PIP5K1C: variants seen among roughly 807,000 people sequenced by gnomAD.
The protein encoded by PIP5K1C is phosphatidylinositol-4-phosphate 5-kinase type 1 gamma.
PIP5K1C carries 45 observed loss-of-function variants against 80.1 expected under a neutral mutation model. The ratio of observed to expected loss-of-function variants is 0.56; its 90% CI spans 0.44 to 0.72. PIP5K1C has a LOEUF of 0.72. Ranked by LOEUF, PIP5K1C falls within the 30% of genes least tolerant of loss-of-function variation. The pLI is 0.00. For synonymous variants in PIP5K1C, 498 were observed against 420.1 expected, an observed-to-expected ratio of 1.19 and a Z score of -2.27; for missense variants, 753 against 954.6, an observed-to-expected ratio of 0.79 and a Z score of 2.78.
At chr19:3,684,124 C>T (rs2035679625) in intron 1 of PIP5K1C, among the ~76,000 whole-genome samples, 1 of 152,170 alleles carries the variant, frequency 6.6e-6, no homozygotes, top group Admixed American at 6.6e-5. Context: ...GCCTCTGTGT[C>T]ACCCACTGGA....
chr19:3,631,663 A>C lies in PIP5K1C; in HGVS notation c.*1504T>G, dbSNP rs1211960330. The C allele has an allele frequency of 6.6e-6, 1 of 152,112 alleles. No individual in the cohort carries two copies. Among genetic ancestry groups the C allele is most frequent in the Non-Finnish European group, 1.5e-5 (1 of 68,090 alleles). The allele number at this position is 152,112 out of a possible 1,614,324, so 9.4% of individuals were successfully genotyped here. A position where few individuals can be genotyped will look rare whatever the true frequency, so the allele number is the denominator to read the frequency against. ...TGTGTCCTCGCTGGGGACCTCGGGGATGGGTCCGGCTTCTCCACAGCAGGG... is the reference window on the plus strand; with the variant it reads ...TGTGTCCTCGCTGGGGACCTCGGGGCTGGGTCCGGCTTCTCCACAGCAGGG... On this transcript the variant is annotated 3_prime_UTR_variant, in exon 18 of 18. Coordinates refer to ENST00000335312, the MANE Select transcript of PIP5K1C (RefSeq NM_012398.3).
chr19:3,670,290 G>A (rs1600042465), intron 1 of PIP5K1C, among the ~76,000 whole-genome samples: 2 of 152,232 alleles, frequency 1.3e-5, no homozygotes, highest in Non-Finnish European at 1.5e-5. Flanking sequence ...TTTGGAAAGA[G>A]AGTCTTTGCT....
Position 3,637,936 on chromosome 19 carries a change from G to C in PIP5K1C, c.1920+948C>G, listed in dbSNP as rs1236301579. 1 of 1,535,062 alleles carries C rather than the reference G, an allele frequency of 6.5e-7. No homozygotes were observed. The highest frequency in any genetic ancestry group is 1.4e-5 in the African/African-American group (1 of 73,014). On this transcript the variant is annotated intron_variant, in intron 16 of 17. Coordinates refer to ENST00000335312, the MANE Select transcript of PIP5K1C (RefSeq NM_012398.3). The surrounding 1 kb of genome is among the most constrained non-coding windows in gnomAD (Gnocchi z 7.0). ...AGGGGTGACGACGTGCGGTGGGTAG[G>C]GGCACAGGCACGCGGCCCGTCCCTC...
At chr19:3,646,185 C>T in intron 10 of PIP5K1C, 127 bp from the exon 11 acceptor site, 1 of 672,252 alleles carries the variant, frequency 1.5e-6, no homozygotes. Flanking sequence ...GAGATGGGTC[C>T]ATGGCGCCAT....
intron 16 of PIP5K1C, among the ~76,000 whole-genome samples, chr19:3,635,481 G>A (rs543640335): frequency 6.6e-6 from 1 of 151,758 alleles, no homozygotes; most frequent in African/African-American, 2.4e-5. Flanking sequence ...TCAGGAGTTC[G>A]AGACCAGCCT....
chr19:3,653,707 C>A, intron 6 of PIP5K1C, 118 bp from the exon 7 acceptor site: 1 of 945,926 alleles, frequency 1.1e-6, no homozygotes, highest in South Asian at 1.7e-5. Flanking sequence ...CCCCCTCTCT[C>A]CCCAGAAGCC....
chr19:3,645,455 C>T (rs531171053), intron 11 of PIP5K1C, among the ~76,000 whole-genome samples: 3 of 152,198 alleles, frequency 2.0e-5, no homozygotes, highest in Non-Finnish European at 2.9e-5. Context: ...GGACCTCCCC[C>T]GGGCACCCTG....
At chr19:3,645,125 G>A (rs923467275) in intron 11 of PIP5K1C, among the ~76,000 whole-genome samples, 1 of 152,216 alleles carries the variant, frequency 6.6e-6, no homozygotes, top group South Asian at 2.1e-4. Flanking sequence ...AGGCCGGGAA[G>A]AGCAGCCTGC....
intron 3 of PIP5K1C, among the ~76,000 whole-genome samples, chr19:3,662,243 C>T (rs1381919631): frequency 1.3e-5 from 2 of 152,328 alleles, no homozygotes; most frequent in African/African-American, 2.4e-5. Context: ...CTGCAACTGC[C>T]GCACCACGTC....
chr19:3,671,746 AG>A (rs2035211968), intron 1 of PIP5K1C, among the ~76,000 whole-genome samples: 1 of 152,100 alleles, frequency 6.6e-6, no homozygotes, highest in African/African-American at 2.4e-5. Context: ...CCGCCTGCCC[AG>A]GGGGTGGGGG....
intron 16 of PIP5K1C, chr19:3,638,060 A>G: frequency 6.8e-7 from 1 of 1,464,048 alleles, no homozygotes; most frequent in Non-Finnish European, 9.0e-7. Context: ...TGCCCCCACA[A>G]CAGGCCCTAA....
intron 1 of PIP5K1C, among the ~76,000 whole-genome samples, chr19:3,694,069 G>A (rs1046614557): frequency 1.3e-5 from 2 of 151,960 alleles, no homozygotes; most frequent in African/African-American, 4.8e-5. Context: ...AACATTAGCC[G>A]GGCGTAGTGG....
At chr19:3,684,068 G>T (rs150795372) in intron 1 of PIP5K1C, among the ~76,000 whole-genome samples, 2 of 152,062 alleles carry the variant, frequency 1.3e-5, no homozygotes, top group African/African-American at 4.8e-5. Flanking sequence ...CAGAGCAGAT[G>T]CTTCGGTGCC....
chr19:3,644,099 G>C lies in PIP5K1C; in HGVS notation c.1498C>G (p.Leu500Val). 6.2e-7 allele frequency: 1 copy of C among 1,611,234 alleles called. No homozygotes were observed. The highest frequency in any genetic ancestry group is 1.1e-5 in the South Asian group (1 of 91,050). ...CTCTGCCCCTCACCTTCGTCCTCCA[G>C]CGTGGGGTAGCTGCGGGCCCCCCGC... ...DLRGARSYPTLEDEGRPDLLP... is the reference protein window; with the variant it reads ...DLRGARSYPTVEDEGRPDLLP... Residue 500 changes from leucine to valine, a missense_variant, in exon 12 of 18, where the codon CTG becomes GTG. Leu to Val is a conservative substitution (Grantham distance 32). Transcript: ENST00000335312.
chr19:3,695,917 C>T (rs1036344200), intron 1 of PIP5K1C, among the ~76,000 whole-genome samples: 32 of 152,010 alleles, frequency 2.1e-4, no homozygotes, highest in African/African-American at 7.5e-4. Context: ...TTAGTAGAGA[C>T]AGGGGTCTTG....
chr19:3,647,113 G>T (rs2034256501), intron 10 of PIP5K1C, among the ~76,000 whole-genome samples: 1 of 128,702 alleles, frequency 7.8e-6, no homozygotes, highest in African/African-American at 3.1e-5. Context: ...AGGGATGGGG[G>T]GAGGGTGCAG....
intron 1 of PIP5K1C, among the ~76,000 whole-genome samples, chr19:3,675,860 A>C (rs941630230): frequency 2.6e-5 from 4 of 152,196 alleles, no homozygotes; most frequent in African/African-American, 4.8e-5. Context: ...CAGCTGTAAC[A>C]ACCACAGATG....
At chr19:3,633,403 A>C (rs768535835) in intron 17 of PIP5K1C, 34 bp downstream of exon 17, 14 of 1,445,560 alleles carry the variant, frequency 9.7e-6, no homozygotes, top group Non-Finnish European at 1.1e-5. Context: ...CTTGGAGCCC[A>C]CGGGACCGGC....
At chr19:3,664,005 G>T (rs571585752) in intron 3 of PIP5K1C, among the ~76,000 whole-genome samples, 1 of 152,188 alleles carries the variant, frequency 6.6e-6, no homozygotes, top group African/African-American at 2.4e-5. Flanking sequence ...AGTGCAGCAC[G>T]GGCGCCCCAC....
Sources: gnomAD v4.1 joint callset for allele counts (sites outside exome capture counted in the v4.1 genomes callset) on GRCh38, gnomAD v4.1.1 for gene constraint, Gnocchi (gnomAD v3.1) non-coding constraint, MANE v1.5 for transcripts, NCBI Gene and HGNC (gene_info 2026-07-23, HGNC 2026-07-21) for gene names.